MIER2: variants seen among roughly 807,000 people sequenced by gnomAD.
MIER2 encodes the protein mesoderm induction early response protein 2.
Under a neutral mutation model 67.6 loss-of-function variants are expected in MIER2, and 30 were observed. The observed-to-expected ratio is 0.44, with a 90% CI of 0.33 to 0.60. The LOEUF is 0.60. MIER2 is among the 20% of genes least tolerant of loss of function. The probability of loss-of-function intolerance (pLI) is 0.02; values close to 1 mark genes in which losing one functional copy is unlikely to be tolerated. For synonymous variants in MIER2, 372 were observed against 312.6 expected (o/e 1.19, Z -2.00); for missense variants, 702 against 745.1 (o/e 0.94, Z 0.67).
intron 6 of MIER2, 35 bp downstream of exon 6, chr19:326,472 G>C (rs200522678): frequency 6.9e-6 from 11 of 1,584,574 alleles, no homozygotes; most frequent in South Asian, 1.1e-5. Flanking sequence ...ACCACGGCCG[G>C]GATGCCAGGT....
chr19:334,329 G>A, intron 3 of MIER2, 71 bp downstream of exon 3: 2 of 1,592,248 alleles, frequency 1.3e-6, no homozygotes, highest in Non-Finnish European at 1.7e-6. Context: ...AATCTGAGCT[G>A]CACAAAACTC....
rs185708275 is a variant in MIER2, at chr19:324,928, G to A, written c.655+707C>T. On this transcript the variant is annotated intron_variant, in intron 7 of 13. Coordinates refer to ENST00000264819, the MANE Select transcript of MIER2 (RefSeq NM_017550.3). The stretch of plus-strand genomic sequence containing the variant: ...TCCTGGCTCCGTCCTCTTCTCACAC[G>A]GGGCACCCCCGACCAGCCCCAGGAG... Among the ~76,000 whole-genome samples, 1,171 of 152,314 alleles carry A rather than the reference G, an allele frequency of 7.7e-3. 12 individuals are homozygous for A. The highest frequency in any genetic ancestry group is 0.014 in the Non-Finnish European group (923 of 68,018).
At chr19:313,946 G>A (rs1042307156) in intron 7 of MIER2, among the ~76,000 whole-genome samples, 90 of 152,212 alleles carry the variant, frequency 5.9e-4, no homozygotes, top group African/African-American at 2.1e-3. Flanking sequence ...GGGGTCAGAG[G>A]AAGCTGTGGA....
At position 313,624 on chromosome 19, in the gene MIER2, CTGG is replaced by C. The variant is rs1186277054; in HGVS notation, c.672_674del (p.Asp224_Gln225delinsGlu). ...GGAGGACGCTGGGGTCCCAGAGCAG[CTGG>C]TCTTCGTTCTCGTAGACTGCACAAG... is the stretch of plus-strand genomic sequence containing the variant. On this transcript the variant is annotated inframe_deletion, in exon 8 of 14. Coordinates refer to ENST00000264819, the MANE Select transcript of MIER2 (RefSeq NM_017550.3). The C allele has an allele frequency of 6.2e-7, 1 of 1,612,428 alleles. No individual in the cohort carries two copies.
At position 308,974 on chromosome 19, in the gene MIER2, A is replaced by C. The variant is rs993783528; in HGVS notation, c.985-49T>G. ...TCTCTGTCCCCGGCTGCCCAGCCCC[A>C]GCACCTGCACCACGATCCCAGGACG... On this transcript the variant is annotated intron_variant, in intron 10 of 13. Coordinates refer to ENST00000264819, the MANE Select transcript of MIER2 (RefSeq NM_017550.3). The surrounding 1 kb of genome is among the most constrained non-coding windows in gnomAD (Gnocchi z 9.1). 1.3e-6 allele frequency: 2 copies of C among 1,575,058 alleles called. No individual in the cohort carries two copies. The highest frequency in any genetic ancestry group is 1.7e-6 in the Non-Finnish European group (2 of 1,154,404).
Position 313,627 on chromosome 19 carries a change from GTCTTCGTTC to G in MIER2, c.663_671del (p.Glu221_Glu223del), listed in dbSNP as rs1971116107. The G allele has an allele frequency of 1.9e-6, 3 of 1,612,010 alleles. No individual in the cohort carries two copies. Among genetic ancestry groups the G allele is most frequent in the Non-Finnish European group, 2.5e-6 (3 of 1,179,914 alleles). ...GGACGCTGGGGTCCCAGAGCAGCTG[GTCTTCGTTC>G]TCGTAGACTGCACAAGCAGAGGGCA... On this transcript the variant is annotated inframe_deletion, in exon 8 of 14. Transcript: ENST00000264819.
intron 7 of MIER2, among the ~76,000 whole-genome samples, chr19:321,707 T>A (rs958734438): frequency 1.3e-5 from 2 of 152,058 alleles, no homozygotes; most frequent in East Asian, 3.9e-4. Flanking sequence ...AAAACTTACA[T>A]AGATATGCAA....
intron 5 of MIER2, 198 bp from the exon 6 acceptor site, chr19:326,796 A>AGCT: frequency 1.7e-6 from 1 of 595,816 alleles, no homozygotes; most frequent in Non-Finnish European, 3.0e-6. Flanking sequence ...CCTTCTATGC[A>AGCT]GCTGCTGCAC....
chr19:334,945 A>C (rs976163485), intron 2 of MIER2, among the ~76,000 whole-genome samples: 1 of 152,132 alleles, frequency 6.6e-6, no homozygotes, highest in Non-Finnish European at 1.5e-5. Context: ...GTGACGCTGA[A>C]CCCTCACCTG....
At chr19:318,914 G>T (rs141796926) in intron 7 of MIER2, among the ~76,000 whole-genome samples, 2 of 151,822 alleles carry the variant, frequency 1.3e-5, no homozygotes, top group Non-Finnish European at 2.9e-5. Context: ...AAAACTAGCC[G>T]GGCGTGGTGG....
chr19:312,346 A>G, intron 8 of MIER2, 74 bp from the exon 9 acceptor site: 1 of 1,477,708 alleles, frequency 6.8e-7, no homozygotes, highest in African/African-American at 1.4e-5. Flanking sequence ...TATACCATCC[A>G]GCGAGTGGCA....
At chr19:344,232 G>C (rs545024699) in intron 1 of MIER2, 93 of 985,136 alleles carry the variant, frequency 9.4e-5, no homozygotes, top group African/African-American at 1.0e-4. Flanking sequence ...GGTCCGCGTC[G>C]GGAGTTCAAA....
At position 337,146 on chromosome 19, in the gene MIER2, A is replaced by C. The variant is rs575368021; in HGVS notation, c.10-973T>G. On this transcript the variant is annotated intron_variant, in intron 1 of 13. Transcript: ENST00000264819. ...GGTGTGAGCTACCGCAAGCCACGAT[A>C]TCTCTCATGTACATAAACACAAAAC... Among the ~76,000 whole-genome samples the C allele has an allele frequency of 3.2e-4, 48 of 152,086 alleles. No individual in the cohort carries two copies. The East Asian group carries it at 8.5e-3, about 27-fold the overall frequency.
In MIER2 at chr19:307,385, G is replaced by A. The variant is rs138760071; in HGVS notation, c.1350C>T (p.Ala450=). ...CAGCTGGCTGGTATGAGGCTGGGTC[G>A]GCCAGGGCTGGGGGCCGATGGGACA... The part of the protein sequence containing the change: ...VPLSHRPPAL[A]DPASYQPAVT... Residue 450 remains alanine (A), a synonymous_variant, in exon 13 of 14, where the codon GCC becomes GCT. Coordinates refer to ENST00000264819, the MANE Select transcript of MIER2 (RefSeq NM_017550.3). The A allele has an allele frequency of 1.6e-5, 26 of 1,607,000 alleles. No homozygotes were observed. The highest frequency in any genetic ancestry group is 8.9e-5 in the South Asian group (8 of 89,742).
At chr19:309,679 CAA>C (rs1970842254) in intron 10 of MIER2, among the ~76,000 whole-genome samples, 1 of 72,096 alleles carries the variant, frequency 1.4e-5, no homozygotes, top group African/African-American at 8.5e-5. Flanking sequence ...CACACACACA[CAA>C]GGCTTCAGGG....
Position 309,527 on chromosome 19 carries a change from A to G in MIER2, c.985-602T>C, listed in dbSNP as rs539556194. Among the ~76,000 whole-genome samples, 6 of 152,272 alleles carry G rather than the reference A, an allele frequency of 3.9e-5. No individual in the cohort carries two copies. The South Asian group carries it at 1.2e-3, about 32-fold the overall frequency. On this transcript the variant is annotated intron_variant, in intron 10 of 13. Transcript: ENST00000264819. Reference sequence around the variant, plus strand: ...CGACAAAATTCCCAACGTAGCACATAAAGGGCCAAACACACATGCACACAG... The same window carrying G: ...CGACAAAATTCCCAACGTAGCACATGAAGGGCCAAACACACATGCACACAG...
chr19:326,414 G>A, intron 6 of MIER2, 93 bp downstream of exon 6: 1 of 1,174,098 alleles, frequency 8.5e-7, no homozygotes. Flanking sequence ...GCCAGGCTGG[G>A]GAGACGGCAG....
chr19:331,640 G>C (rs1972030970), intron 3 of MIER2, among the ~76,000 whole-genome samples: 1 of 152,086 alleles, frequency 6.6e-6, no homozygotes, highest in Admixed American at 6.6e-5. Context: ...CTGCACTCCA[G>C]CCTAGGCAAA....
At chr19:328,735 G>A (rs1487571884) in intron 3 of MIER2, among the ~76,000 whole-genome samples, 1 of 152,074 alleles carries the variant, frequency 6.6e-6, no homozygotes, top group Non-Finnish European at 1.5e-5. Context: ...GTGGCAGAGT[G>A]AGAATCTGTC....
Sources: gnomAD v4.1 joint callset for allele counts (sites outside exome capture counted in the v4.1 genomes callset) on GRCh38, gnomAD v4.1.1 for gene constraint, Gnocchi (gnomAD v3.1) non-coding constraint, MANE v1.5 for transcripts, NCBI Gene and HGNC (gene_info 2026-07-23, HGNC 2026-07-21) for gene names.